Variants in E2F3 observed in about 807,000 individuals in gnomAD.
E2F3 encodes transcription factor E2F3.
Under a neutral mutation model 44.4 loss-of-function variants are expected in E2F3, and 11 were observed. The observed-to-expected ratio is 0.25, with a 90% CI of 0.16 to 0.41. The LOEUF is 0.41. Ranked by LOEUF, E2F3 falls within the 10% of genes least tolerant of loss-of-function variation. The pLI is 1.00. For synonymous variants in E2F3, 249 were observed against 253.0 expected, an observed-to-expected ratio of 0.98 and a Z score of 0.15; for missense variants, 487 against 583.6, an observed-to-expected ratio of 0.83 and a Z score of 1.70.
chr6:20,404,456 C>T (rs1759425959), intron 1 of E2F3, among the ~76,000 whole-genome samples: 1 of 152,206 alleles, frequency 6.6e-6, no homozygotes, highest in African/African-American at 2.4e-5. Flanking sequence ...CAGTTAGATC[C>T]ATGGTAGCCT....
chr6:20,428,763 T>C (rs1383968869), intron 1 of E2F3, among the ~76,000 whole-genome samples: 2 of 152,242 alleles, frequency 1.3e-5, no homozygotes, highest in Non-Finnish European at 2.9e-5. Flanking sequence ...TAGATAAATC[T>C]ATTTTAATTG....
intron 2 of E2F3, among the ~76,000 whole-genome samples, chr6:20,480,925 T>C (rs910109283): frequency 5.9e-5 from 9 of 152,222 alleles, no homozygotes; most frequent in South Asian, 2.1e-4. Flanking sequence ...AAATTCTTCA[T>C]TGGAGCCAGG....
intron 1 of E2F3, among the ~76,000 whole-genome samples, chr6:20,462,638 A>G (rs879175522): frequency 1.3e-5 from 2 of 151,640 alleles, no homozygotes; most frequent in South Asian, 4.2e-4. Flanking sequence ...TTGTATTTTT[A>G]GTAGAGACAG....
chr6:20,446,804 T>C (rs1164432751), intron 1 of E2F3, among the ~76,000 whole-genome samples: 1 of 152,152 alleles, frequency 6.6e-6, no homozygotes, highest in Non-Finnish European at 1.5e-5. Flanking sequence ...TGGGCTCCAG[T>C]GATCTGCCTG....
At chr6:20,429,808 C>T (rs2127592748) in intron 1 of E2F3, among the ~76,000 whole-genome samples, 1 of 151,998 alleles carries the variant, frequency 6.6e-6, no homozygotes, top group Middle Eastern at 3.4e-3. Context: ...TGTGTGCTTA[C>T]TACATTTTAA....
intron 1 of E2F3, among the ~76,000 whole-genome samples, chr6:20,415,861 A>T (rs1053134258): frequency 2.0e-5 from 3 of 152,178 alleles, no homozygotes; most frequent in Admixed American, 2.0e-4. Context: ...CTTGCAGAAG[A>T]AAGGATCAAA....
At position 20,402,522 on chromosome 6, in the gene E2F3, GCCT is replaced by G; in HGVS notation, c.295_297del (p.Leu99del). 1.9e-6 allele frequency: 3 copies of G among 1,600,552 alleles called. No individual in the cohort carries two copies. The highest frequency in any genetic ancestry group is 1.3e-5 in the African/African-American group (1 of 74,668). ...CCCGGCGCGGAGCAGACCGCCGGCA[GCCT>G]CCTCTACACCACGCCGCACGGACCC... On this transcript the variant is annotated inframe_deletion, in exon 1 of 7. Coordinates refer to ENST00000346618, the MANE Select transcript of E2F3 (RefSeq NM_001949.5). This position sits in a 1 kb window ranked among gnomAD's most constrained non-coding sequence, Gnocchi z 5.6.
At chr6:20,447,330 G>A (rs927472194) in intron 1 of E2F3, among the ~76,000 whole-genome samples, 32 of 152,084 alleles carry the variant, frequency 2.1e-4, no homozygotes, top group Admixed American at 1.3e-3. Context: ...GTATGTGTGT[G>A]TGTGTGTATG....
chr6:20,423,534 G>A (rs1227347599), intron 1 of E2F3, among the ~76,000 whole-genome samples: 1 of 152,082 alleles, frequency 6.6e-6, no homozygotes, highest in South Asian at 2.1e-4. Flanking sequence ...GCAATGGCAC[G>A]ATCTCGGCTC....
intron 1 of E2F3, among the ~76,000 whole-genome samples, chr6:20,428,874 T>C (rs913068179): frequency 1.3e-5 from 2 of 152,220 alleles, no homozygotes; most frequent in African/African-American, 4.8e-5. Context: ...TGCCCTACAA[T>C]GATATTTTTA....
chr6:20,410,721 C>T (rs1003676745), intron 1 of E2F3, among the ~76,000 whole-genome samples: 20 of 152,122 alleles, frequency 1.3e-4, no homozygotes, highest in African/African-American at 4.1e-4. Context: ...TGGGTTCAGC[C>T]GATTCTCCTG....
chr6:20,444,744 A>G (rs1454537235), intron 1 of E2F3, among the ~76,000 whole-genome samples: 1 of 147,714 alleles, frequency 6.8e-6, no homozygotes, highest in Non-Finnish European at 1.5e-5. Context: ...ACACAACAAC[A>G]ACAGAAAACA....
chr6:20,471,459 G>C (rs1761887543), intron 1 of E2F3, among the ~76,000 whole-genome samples: 1 of 152,146 alleles, frequency 6.6e-6, no homozygotes, highest in East Asian at 1.9e-4. Flanking sequence ...GTGCACGCCT[G>C]TAATCCCAGC....
At chr6:20,463,771 G>A (rs1348155824) in intron 1 of E2F3, among the ~76,000 whole-genome samples, 3 of 152,162 alleles carry the variant, frequency 2.0e-5, no homozygotes, top group Non-Finnish European at 4.4e-5. Context: ...GTGTCCCCCA[G>A]TTCAATTCTA....
chr6:20,488,355 G>A (rs919556427), intron 6 of E2F3, 107 bp downstream of exon 6: 14 of 1,287,924 alleles, frequency 1.1e-5, no homozygotes, highest in South Asian at 3.4e-5. Flanking sequence ...ACTTCTATTG[G>A]TATTAGGTAA....
intron 1 of E2F3, among the ~76,000 whole-genome samples, chr6:20,410,582 A>C (rs1333926768): frequency 6.6e-6 from 1 of 152,178 alleles, no homozygotes; most frequent in Non-Finnish European, 1.5e-5. Context: ...TTCCTTCCAC[A>C]GGCATCTCAT....
chr6:20,479,637 T>C (rs1762155967), intron 1 of E2F3, among the ~76,000 whole-genome samples: 1 of 152,242 alleles, frequency 6.6e-6, no homozygotes, highest in Non-Finnish European at 1.5e-5. Context: ...GGACGGATGA[T>C]CACGGCAGGT....
chr6:20,422,445 G>C (rs1760060078), intron 1 of E2F3, among the ~76,000 whole-genome samples: 1 of 152,184 alleles, frequency 6.6e-6, no homozygotes, highest in Non-Finnish European at 1.5e-5. Flanking sequence ...TGTTCATGGA[G>C]TACCATGTTT....
chr6:20,413,835 A>G (rs1322401160), intron 1 of E2F3, among the ~76,000 whole-genome samples: 1 of 152,248 alleles, frequency 6.6e-6, no homozygotes, highest in African/African-American at 2.4e-5. Context: ...CAGGATGGCA[A>G]CAATGATGGT....
Sources: gnomAD v4.1 joint callset for allele counts (sites outside exome capture counted in the v4.1 genomes callset) on GRCh38, gnomAD v4.1.1 for gene constraint, Gnocchi (gnomAD v3.1) non-coding constraint, MANE v1.5 for transcripts, NCBI Gene and HGNC (gene_info 2026-07-23, HGNC 2026-07-21) for gene names.